Variants in KIF5B observed in about 807,000 individuals in gnomAD.
The protein encoded by KIF5B is kinesin family member 5B.
In KIF5B, 49 loss-of-function variants were observed where a neutral mutation model predicts 132.8. The ratio of observed to expected loss-of-function variants is 0.37; its 90% confidence interval spans 0.29 to 0.47. The LOEUF is 0.47. KIF5B is among the 20% of genes least tolerant of loss of function. KIF5B has a pLI of 1.00. For synonymous variants in KIF5B, 355 were observed against 369.4 expected (o/e 0.96, Z 0.45); for missense variants, 780 against 1,144.0 (o/e 0.68, Z 4.59).
At chr10:32,012,965 G>A (rs940019621) in intron 25 of KIF5B, among the ~76,000 whole-genome samples, 2 of 148,766 alleles carry the variant, frequency 1.3e-5, no homozygotes, top group Non-Finnish European at 3.0e-5. Context: ...GCAATGCCAC[G>A]ATCTCGGATC....
Position 32,056,301 on chromosome 10 carries a change from A to G in KIF5B, c.-328T>C. The G allele has an allele frequency of 6.6e-6, 2 of 303,736 alleles. No homozygotes were observed. The highest frequency in any genetic ancestry group is 1.2e-5 in the Non-Finnish European group (2 of 162,346). The allele number at this position is 303,736 out of a possible 1,614,324, so 18.8% of individuals were successfully genotyped here. On this transcript the variant is annotated 5_prime_UTR_variant, in exon 1 of 26. Transcript: ENST00000302418. ...TGCGGGGGCTGGGGAGGTTCTGGGG[A>G]CCGGGAGAGTGGCCACCTTCTTCCT... is the stretch of plus-strand genomic sequence containing the variant.
At chr10:32,051,391 T>A (rs964230196) in intron 1 of KIF5B, among the ~76,000 whole-genome samples, 2 of 152,142 alleles carry the variant, frequency 1.3e-5, no homozygotes, top group African/African-American at 4.8e-5. Context: ...ATAGTGCCCC[T>A]AAACCATTTA....
intron 14 of KIF5B, among the ~76,000 whole-genome samples, 168 bp downstream of exon 14, chr10:32,030,905 C>T (rs1384279941): frequency 6.6e-6 from 1 of 152,156 alleles, no homozygotes; most frequent in Non-Finnish European, 1.5e-5. Flanking sequence ...CTGTCTTCCT[C>T]CACCTCTAAG....
At chr10:32,018,229 T>G (rs1841202849) in intron 22 of KIF5B, 73 bp from the exon 23 acceptor site, 1 of 1,452,776 alleles carries the variant, frequency 6.9e-7, no homozygotes, top group South Asian at 1.3e-5. Context: ...TTGACGTGAC[T>G]GTAAAGTTAT....
intron 17 of KIF5B, among the ~76,000 whole-genome samples, chr10:32,021,599 A>ACACAC (rs1190961297): frequency 6.6e-6 from 1 of 150,704 alleles, no homozygotes; most frequent in Non-Finnish European, 1.5e-5. Context: ...AGACACACAC[A>ACACAC]CACACACACC....
chr10:32,041,230 C>G (rs1050808109), intron 2 of KIF5B, among the ~76,000 whole-genome samples: 1 of 150,822 alleles, frequency 6.6e-6, no homozygotes, highest in Non-Finnish European at 1.5e-5. Flanking sequence ...ATGAAAGACT[C>G]CATCAAAGTT....
At chr10:32,032,506 AG>A (rs1592446670) in intron 13 of KIF5B, among the ~76,000 whole-genome samples, 199 bp downstream of exon 13, 1 of 152,232 alleles carries the variant, frequency 6.6e-6, no homozygotes, top group Non-Finnish European at 1.5e-5. Context: ...GTGAAAAAAA[AG>A]ATGGCGGAAA....
Position 32,031,242 on chromosome 10 carries a change from T to C in KIF5B, c.1412A>G (p.Gln471Arg). 1 of 1,614,036 alleles carries C rather than the reference T, an allele frequency of 6.2e-7. No individual in the cohort carries two copies. The highest frequency in any genetic ancestry group is 8.5e-7 in the Non-Finnish European group (1 of 1,179,994). Residue 471 changes from glutamine (Q) to arginine (R), a missense_variant, in exon 14 of 26, where the codon CAA (glutamine) becomes CGA (arginine). Around this residue, in one of 9 missense-constraint regions of KIF5B, gnomAD observed 471 missense variants for 569.9 expected, o/e 0.83. Transcript: ENST00000302418. ...TGCTTGAAGGCGATTCAGCTCAGCTTGCATATTGTCTTGATCCCTTCTGGT... is the reference window on the plus strand; with the variant it reads ...TGCTTGAAGGCGATTCAGCTCAGCTCGCATATTGTCTTGATCCCTTCTGGT... ...ASTRRDQDNM[Q>R]AELNRLQAEN...
rs1841399477 is a variant in KIF5B, at chr10:32,031,257, TC to T, written c.1396del (p.Asp466IlefsTer9). The T allele has an allele frequency of 6.2e-7, 1 of 1,613,802 alleles. No individual in the cohort carries two copies. ...CAGCTCAGCTTGCATATTGTCTTGA[TC>T]CCTTCTGGTAGATGCCAAAAGCTAT... ...QEELLASTRR[D>X]QDNMQAELNR... On this transcript the variant is annotated frameshift_variant, in exon 14 of 26. Coordinates refer to ENST00000302418, the MANE Select transcript of KIF5B (RefSeq NM_004521.3). LOFTEE classifies it high-confidence loss of function.
chr10:32,018,122 C>A lies in KIF5B; in HGVS notation c.2474G>T (p.Ser825Ile). 2 of 1,611,674 alleles carry A rather than the reference C, an allele frequency of 1.2e-6. No homozygotes were observed. Among genetic ancestry groups the A allele is most frequent in the Non-Finnish European group, 1.7e-6 (2 of 1,178,452 alleles). The change falls in exon 23 of 26, where the codon AGC (serine) becomes ATC (isoleucine). Residue 825 changes from serine (S) to isoleucine (I), a missense_variant. Physicochemically the swap from Ser to Ile is moderately radical, Grantham distance 142. This residue lies in a region of KIF5B where 471 missense variants were observed against 569.9 expected (regional missense o/e 0.83). Coordinates refer to ENST00000302418, the MANE Select transcript of KIF5B (RefSeq NM_004521.3). ...AEIDSDDTGG[S>I]AAQKQKISFL... ...GGAGATTTTTTGCTTCTGAGCAGCGCTGCCTCCGGTGTCATCAGAATCAAT... is the reference window on the plus strand; with the variant it reads ...GGAGATTTTTTGCTTCTGAGCAGCGATGCCTCCGGTGTCATCAGAATCAAT...
chr10:32,052,359 T>A (rs1841704430), intron 1 of KIF5B, among the ~76,000 whole-genome samples: 1 of 152,198 alleles, frequency 6.6e-6, no homozygotes, highest in East Asian at 1.9e-4. Context: ...AAACACCAAA[T>A]CATTCACTTG....
intron 25 of KIF5B, among the ~76,000 whole-genome samples, chr10:32,014,367 G>A (rs1246863757): frequency 6.6e-6 from 1 of 151,706 alleles, no homozygotes; most frequent in Non-Finnish European, 1.5e-5. Flanking sequence ...TGTCAGCCTG[G>A]GCAACAAGAA....
chr10:32,013,630 G>A (rs118079618), intron 25 of KIF5B, among the ~76,000 whole-genome samples: 1,641 of 152,148 alleles, frequency 0.011, 20 homozygotes, highest in Non-Finnish European at 0.018. Context: ...TCTGAATATG[G>A]AATGGTATTA....
chr10:32,011,500 C>T lies in KIF5B; in HGVS notation c.*37G>A, dbSNP rs752462436. 16 of 152,282 alleles carry T rather than the reference C, an allele frequency of 1.1e-4. No homozygotes were observed. The highest frequency in any genetic ancestry group is 2.6e-4 in the Admixed American group (4 of 15,288). The allele number at this position is 152,282 out of a possible 1,614,324, so 9.4% of individuals were successfully genotyped here. A position where few individuals can be genotyped will look rare whatever the true frequency, so the allele number is the denominator to read the frequency against. On this transcript the variant is annotated 3_prime_UTR_variant, in exon 26 of 26. Transcript: ENST00000302418. ...TTGATACCATGTCCTCTTCGTACTTCGATTACTTTTTAACACCTAAAAATG... is the reference window on the plus strand; with the variant it reads ...TTGATACCATGTCCTCTTCGTACTTTGATTACTTTTTAACACCTAAAAATG...
chr10:32,033,767 TGAGAA>T (rs1841428903), intron 12 of KIF5B, 73 bp downstream of exon 12: 5 of 957,498 alleles, frequency 5.2e-6, no homozygotes, highest in African/African-American at 1.7e-5. Flanking sequence ...AGCACTGAAA[TGAGAA>T]AAGTTAGAAA....
In KIF5B at chr10:32,021,122, C is replaced by A. The variant is rs550861207; in HGVS notation, c.2104G>T (p.Glu702Ter). ...QTANEVKQAVEQQIQSHRETH... is the reference protein window; with the variant it reads ...QTANEVKQAV Reference sequence around the variant, plus strand: ...TCTCTATGGCTCTGGATCTGCTGTTCAACAGCTTGCTAAAATTTTGGGGGG... The same window carrying A: ...TCTCTATGGCTCTGGATCTGCTGTTAAACAGCTTGCTAAAATTTTGGGGGG... The change falls in exon 19 of 26, where the codon GAA (glutamate) becomes TAA (stop). Residue 702 changes from glutamate to a stop codon, truncating the protein, a stop_gained. Coordinates refer to ENST00000302418, the MANE Select transcript of KIF5B (RefSeq NM_004521.3). LOFTEE classifies it high-confidence loss of function. 6.2e-7 allele frequency: 1 copy of A among 1,613,246 alleles called. No homozygotes were observed. Among genetic ancestry groups the A allele is most frequent in the African/African-American group, 1.3e-5 (1 of 74,974 alleles).
intron 2 of KIF5B, among the ~76,000 whole-genome samples, chr10:32,045,489 G>T (rs1354146000): frequency 6.6e-6 from 1 of 152,142 alleles, no homozygotes; most frequent in African/African-American, 2.4e-5. Context: ...TAGTACGATA[G>T]CAAAAGAATG....
chr10:32,035,987 T>C lies in KIF5B; in HGVS notation c.719A>G (p.Lys240Arg), dbSNP rs1841455894. ...CAGCACAGCACCTTCAGCTCCAGTT[T>C]TACTAACCTATACATAAGATTTCAA... is the stretch of plus-strand genomic sequence containing the variant. ...VDLAGSEKVS[K>R]TGAEGAVLDE... The change falls in exon 9 of 26, where the codon AAA becomes AGA. Residue 240 changes from lysine (K) to arginine (R), a missense_variant. Coordinates refer to ENST00000302418, the MANE Select transcript of KIF5B (RefSeq NM_004521.3). 6.3e-7 allele frequency: 1 copy of C among 1,595,740 alleles called. No individual in the cohort carries two copies. Among genetic ancestry groups the C allele is most frequent in the African/African-American group, 1.3e-5 (1 of 74,332 alleles).
chr10:32,016,865 T>C (rs1485060421), intron 24 of KIF5B, among the ~76,000 whole-genome samples: 7 of 152,266 alleles, frequency 4.6e-5, no homozygotes, highest in South Asian at 4.1e-4. Context: ...CGTTAAATCA[T>C]TGCTGATGGC....
Sources: allele counts gnomAD v4.1 joint callset (sites outside exome capture counted in the v4.1 genomes callset), GRCh38; gene constraint gnomAD v4.1.1; regional missense constraint gnomAD v4.1.1; transcripts MANE v1.5; gene names NCBI Gene and HGNC (gene_info 2026-07-23, HGNC 2026-07-21).